PITPNC1: variants seen among roughly 807,000 people sequenced by gnomAD.
PITPNC1 encodes phosphatidylinositol transfer protein cytoplasmic 1, also known as cytoplasmic phosphatidylinositol transfer protein 1.
A neutral mutation model predicts 44.7 loss-of-function variants in PITPNC1; 18 were observed. The observed-to-expected ratio is 0.40, with a 90% CI of 0.28 to 0.60. The LOEUF (loss-of-function observed/expected upper bound fraction) is 0.60, where lower values mean the gene tolerates loss of function less well. Among genes scored for constraint, PITPNC1 ranks in the 20% least tolerant of loss-of-function variants. The pLI is 0.39. For synonymous variants in PITPNC1, 141 were observed against 149.6 expected (o/e 0.94, Z 0.42); for missense variants, 290 against 418.4 (o/e 0.69, Z 2.68).
chr17:67,512,385 C>A (rs2040197436), intron 1 of PITPNC1, among the ~76,000 whole-genome samples: 1 of 151,786 alleles, frequency 6.6e-6, no homozygotes. Context: ...CCTGTAATCC[C>A]AGCTACTCGG....
intron 6 of PITPNC1, among the ~76,000 whole-genome samples, chr17:67,647,253 T>A (rs2042158489): frequency 1.3e-5 from 2 of 152,046 alleles, no homozygotes; most frequent in Admixed American, 6.6e-5. Flanking sequence ...AACCAAAAAC[T>A]AAAAACTAGC....
intron 1 of PITPNC1, among the ~76,000 whole-genome samples, chr17:67,433,026 G>C (rs1477848602): frequency 6.6e-6 from 1 of 152,200 alleles, no homozygotes; most frequent in African/African-American, 2.4e-5. Context: ...AGGATATAGG[G>C]ACAGCGAGTG....
intron 1 of PITPNC1, among the ~76,000 whole-genome samples, chr17:67,409,046 T>TGTGG (rs895965527): frequency 6.7e-4 from 99 of 148,824 alleles, no homozygotes; most frequent in African/African-American, 2.4e-3. Context: ...TTGCATATGG[T>TGTGG]GTGGGGTAGG....
At chr17:67,414,684 G>A (rs1475335144) in intron 1 of PITPNC1, among the ~76,000 whole-genome samples, 1 of 152,066 alleles carries the variant, frequency 6.6e-6, no homozygotes, top group Admixed American at 6.6e-5. Flanking sequence ...TTGTCAACCC[G>A]CAGGGGTTGA....
intron 6 of PITPNC1, among the ~76,000 whole-genome samples, chr17:67,640,685 G>GAAA (rs71139165): frequency 7.0e-5 from 7 of 100,236 alleles, no homozygotes; most frequent in Non-Finnish European, 9.4e-5. Flanking sequence ...TGTTGAAAAA[G>GAAA]AAAAAAAAAA....
chr17:67,656,254 AAGTGAGAG>A (rs2042266527), intron 6 of PITPNC1, among the ~76,000 whole-genome samples: 2 of 152,282 alleles, frequency 1.3e-5, no homozygotes, highest in South Asian at 4.2e-4. Context: ...TCTGAAATCC[AAGTGAGAG>A]ATTTCGAGGC....
At chr17:67,399,447 A>G (rs1383553047) in intron 1 of PITPNC1, among the ~76,000 whole-genome samples, 2 of 152,136 alleles carry the variant, frequency 1.3e-5, no homozygotes, top group Non-Finnish European at 2.9e-5. Context: ...TTCTTTAGCC[A>G]TTCCTGGGGG....
At chr17:67,514,334 A>G (rs2949930) in intron 1 of PITPNC1, among the ~76,000 whole-genome samples, 18,309 of 151,782 alleles carry the variant, frequency 0.12, 1,524 homozygotes, top group African/African-American at 0.24. Flanking sequence ...CGAGTAGCTG[A>G]GATTACCGGC....
intron 1 of PITPNC1, among the ~76,000 whole-genome samples, chr17:67,517,335 G>C (rs561787330): frequency 3.3e-5 from 5 of 152,204 alleles, no homozygotes; most frequent in Non-Finnish European, 7.3e-5. Flanking sequence ...GAAAATATGA[G>C]ATGTTGCAGC....
intron 5 of PITPNC1, among the ~76,000 whole-genome samples, chr17:67,629,238 C>CTGTGTGTGTGTGTTTGTG (rs2041934321): frequency 7.6e-6 from 1 of 131,230 alleles, no homozygotes; most frequent in African/African-American, 2.9e-5. Flanking sequence ...CTGGGGTATT[C>CTGTGTGTGTGTGTTTGTG]TGTGTGTGTG....
At chr17:67,464,706 C>T (rs1012541294) in intron 1 of PITPNC1, among the ~76,000 whole-genome samples, 12 of 151,088 alleles carry the variant, frequency 7.9e-5, no homozygotes, top group African/African-American at 2.7e-4. Context: ...TAATAAAGTT[C>T]GTAGGGTGTT....
intron 1 of PITPNC1, among the ~76,000 whole-genome samples, chr17:67,463,760 T>C (rs1017765971): frequency 8.6e-5 from 13 of 151,416 alleles, no homozygotes; most frequent in Admixed American, 7.9e-4. Context: ...AAAAATTAGC[T>C]GGGCATGGTG....
At chr17:67,611,682 A>T (rs1568065235) in intron 5 of PITPNC1, 1 of 152,162 alleles carries the variant, frequency 6.6e-6, no homozygotes, top group South Asian at 2.1e-4. Flanking sequence ...CTCCATGTTG[A>T]TCAGGCTGGT....
At chr17:67,423,365 C>A (rs1423455021) in intron 1 of PITPNC1, among the ~76,000 whole-genome samples, 1 of 152,118 alleles carries the variant, frequency 6.6e-6, no homozygotes, top group Non-Finnish European at 1.5e-5. Flanking sequence ...AGGGCCCTTA[C>A]CTTGGGAGAG....
In PITPNC1 at chr17:67,407,528, C is replaced by T. The variant is rs111503138; in HGVS notation, c.48+29326C>T. On this transcript the variant is annotated intron_variant, in intron 1 of 8. Coordinates refer to ENST00000581322, the MANE Select transcript of PITPNC1 (RefSeq NM_012417.4). ...ATTTAAAAATCTAAAATAAGGCCGA[C>T]GTGGTGGCTCACGCCTGTAATCCCA... Among the ~76,000 whole-genome samples the T allele has an allele frequency of 7.6e-3, 1,160 of 152,238 alleles. 8 individuals carry two copies. Among genetic ancestry groups the T allele is most frequent in the African/African-American group, 0.026 (1,090 of 41,544 alleles).
intron 1 of PITPNC1, among the ~76,000 whole-genome samples, chr17:67,427,292 C>G (rs2038780937): frequency 6.6e-6 from 1 of 152,110 alleles, no homozygotes; most frequent in Non-Finnish European, 1.5e-5. Flanking sequence ...CTCACTGCAA[C>G]CTCCACCTCC....
At chr17:67,418,863 G>A (rs1053345939) in intron 1 of PITPNC1, among the ~76,000 whole-genome samples, 4 of 151,852 alleles carry the variant, frequency 2.6e-5, no homozygotes, top group African/African-American at 9.7e-5. Flanking sequence ...GCCTGGCCGT[G>A]AGCCACCCCA....
intron 6 of PITPNC1, among the ~76,000 whole-genome samples, chr17:67,666,081 G>T (rs1038759254): frequency 5.9e-5 from 9 of 152,092 alleles, no homozygotes; most frequent in African/African-American, 2.2e-4. Flanking sequence ...AACCTCAAAT[G>T]ATCCACCCAC....
chr17:67,685,721 G>A (rs1161844363), intron 8 of PITPNC1, among the ~76,000 whole-genome samples: 2 of 152,214 alleles, frequency 1.3e-5, no homozygotes, highest in African/African-American at 4.8e-5. Context: ...AAGGAGCCGG[G>A]TAGGGGTGGG....
Sources: allele counts gnomAD v4.1 joint callset (sites outside exome capture counted in the v4.1 genomes callset), GRCh38; gene constraint gnomAD v4.1.1; transcripts MANE v1.5; gene names NCBI Gene and HGNC (gene_info 2026-07-23, HGNC 2026-07-21).